Variants in DNAAF19 observed in about 807,000 individuals in gnomAD.
DNAAF19 encodes dynein axonemal assembly factor 19.
chr17:44,903,805 C>T, the DNAAF19 span: 1 of 1,539,806 alleles, frequency 6.5e-7, no homozygotes, highest in African/African-American at 1.4e-5. Flanking sequence ...TTGCCCTGCC[C>T]CTCTGACCCC....
At chr17:44,904,875 G>A in the DNAAF19 span, 1 of 1,550,650 alleles carries the variant, frequency 6.4e-7, no homozygotes, top group Non-Finnish European at 8.7e-7. Flanking sequence ...TGGAGGCAGG[G>A]TGTGCTAGTT....
chr17:44,902,420 G>T, the DNAAF19 span: 2 of 1,614,078 alleles, frequency 1.2e-6, no homozygotes, highest in Non-Finnish European at 1.7e-6. Flanking sequence ...GATTGGCGAC[G>T]ACACTTGCCA....
At chr17:44,901,157 T>C in the DNAAF19 span, 1 of 1,599,666 alleles carries the variant, frequency 6.3e-7, no homozygotes, top group Non-Finnish European at 8.5e-7. Context: ...CTCACTGCCA[T>C]TTTTCTCAGG....
chr17:44,904,468 T>C, the DNAAF19 span: 42 of 1,545,800 alleles, frequency 2.7e-5, no homozygotes, highest in Non-Finnish European at 3.7e-5. Flanking sequence ...ATGTGGTGTC[T>C]TGTGGCTCAA....
chr17:44,903,954 C>T, the DNAAF19 span: 1 of 1,550,610 alleles, frequency 6.4e-7, no homozygotes, highest in South Asian at 1.2e-5. Context: ...GAAAATGCAG[C>T]CTACCTGGCC....
the DNAAF19 span, chr17:44,900,913 C>G: frequency 1.4e-6 from 2 of 1,393,386 alleles, no homozygotes; most frequent in Non-Finnish European, 1.9e-6. Context: ...ATTTTGTGTT[C>G]TGGTGAATAA....
chr17:44,903,564 A>G, the DNAAF19 span: 9 of 1,383,644 alleles, frequency 6.5e-6, no homozygotes, highest in Non-Finnish European at 8.4e-6. Context: ...AGTGTTCTAG[A>G]AAGGGGAGTA....
chr17:44,904,215 A>AG, the DNAAF19 span: 1 of 1,550,570 alleles, frequency 6.4e-7, no homozygotes, highest in South Asian at 1.2e-5. Flanking sequence ...GGCACCCGCA[A>AG]GGGGGACTAC....
chr17:44,903,455 G>A, the DNAAF19 span: 1 of 1,254,742 alleles, frequency 8.0e-7, no homozygotes, highest in Non-Finnish European at 1.0e-6. Context: ...AGGCTGGCAG[G>A]GCAGGGCCTG....
At chr17:44,900,950 A>G in the DNAAF19 span, 1 of 1,545,288 alleles carries the variant, frequency 6.5e-7, no homozygotes, top group Non-Finnish European at 8.7e-7. Context: ...TTCCCCTGAT[A>G]TTGACTGTCC....
the DNAAF19 span, chr17:44,905,147 A>G: frequency 3.2e-6 from 4 of 1,233,662 alleles, no homozygotes; most frequent in South Asian, 4.6e-5. Context: ...CTGGGTGGGT[A>G]CCCTGGGTTG....
At chr17:44,904,462 G>C in the DNAAF19 span, 12 of 1,544,654 alleles carry the variant, frequency 7.8e-6, no homozygotes, top group African/African-American at 1.4e-4. Flanking sequence ...TGCCCGATGT[G>C]GTGTCTTGTG....
chr17:44,905,181 A>G, the DNAAF19 span: 1 of 829,806 alleles, frequency 1.2e-6, no homozygotes. Flanking sequence ...GAACATGTGG[A>G]CAAATCTGTT....
At chr17:44,905,185 A>G in the DNAAF19 span, 1 of 794,164 alleles carries the variant, frequency 1.3e-6, no homozygotes, top group Non-Finnish European at 2.0e-6. Flanking sequence ...ATGTGGACAA[A>G]TCTGTTACAG....
the DNAAF19 span, chr17:44,901,670 C>T: frequency 1.9e-6 from 3 of 1,612,336 alleles, no homozygotes; most frequent in Admixed American, 3.4e-5. Flanking sequence ...AGGCCCTGCC[C>T]CTTTAGTCCA....
At chr17:44,902,232 C>T in the DNAAF19 span, 5 of 1,259,740 alleles carry the variant, frequency 4.0e-6, no homozygotes, top group Admixed American at 7.1e-5. Flanking sequence ...CCGCCAAGGA[C>T]CACAGCTTTC....
At chr17:44,904,826 C>T in the DNAAF19 span, 7 of 1,550,554 alleles carry the variant, frequency 4.5e-6, no homozygotes, top group African/African-American at 2.7e-5. Flanking sequence ...GCTCCACATC[C>T]GCTTCACCCA....
the DNAAF19 span, chr17:44,901,005 A>G: frequency 2.5e-6 from 4 of 1,602,410 alleles, no homozygotes; most frequent in African/African-American, 2.7e-5. Flanking sequence ...GGCCATGGAA[A>G]GGAATGACAT....
the DNAAF19 span, chr17:44,904,339 C>T: frequency 5.2e-5 from 80 of 1,542,168 alleles, no homozygotes; most frequent in South Asian, 5.8e-4. Context: ...ATGTCTTCAC[C>T]ACCTTCTGGG....
Sources: allele counts gnomAD v4.1 joint callset, GRCh38; gene constraint gnomAD v4.1.1; transcripts MANE v1.5; gene names NCBI Gene and HGNC (gene_info 2026-07-23, HGNC 2026-07-21).